BRI3: variants seen among roughly 807,000 people sequenced by gnomAD.
The protein encoded by BRI3 is brain protein I3, also known as membrane protein BRI3.
BRI3 carries 6 observed loss-of-function variants against 12.8 expected under a neutral mutation model. The ratio of observed to expected loss-of-function variants is 0.47; its 90% CI spans 0.26 to 0.93. The LOEUF is 0.93. Ranked by LOEUF, BRI3 falls within the 40% of genes least tolerant of loss-of-function variation. The pLI is 0.15. For synonymous variants in BRI3, 91 were observed against 76.1 expected (o/e 1.20, Z -1.02); for missense variants, 134 against 171.1 (o/e 0.78, Z 1.21).
At chr7:98,294,006 C>A (rs1800077832), downstream of BRI3, 11 of 1,551,618 alleles carry the variant, frequency 7.1e-6, no homozygotes, top group Non-Finnish European at 8.9e-6. Flanking sequence ...CACCGAAGGC[C>A]CTTCCGGGGG....
chr7:98,293,649 G>A (rs1800063153), downstream of BRI3: 1 of 1,541,842 alleles, frequency 6.5e-7, no homozygotes, highest in Admixed American at 1.7e-5. Context: ...AGGGAAACTG[G>A]ATTTTAACAG....
chr7:98,301,749 C>A (rs947399582), upstream of BRI3, among the ~76,000 whole-genome samples: 1 of 152,054 alleles, frequency 6.6e-6, no homozygotes, highest in Non-Finnish European at 1.5e-5. Context: ...TTGGCAGGTG[C>A]GGCCTGTGGA....
upstream of BRI3, among the ~76,000 whole-genome samples, chr7:98,302,533 C>A (rs770434486): frequency 6.6e-6 from 1 of 152,196 alleles, no homozygotes; most frequent in Non-Finnish European, 1.5e-5. Context: ...CAGCAACAGA[C>A]TCTGAGCAGG....
the BRI3 span, among the ~76,000 whole-genome samples, chr7:98,320,897 C>T: frequency 1.3e-3 from 197 of 152,312 alleles, 1 homozygote; most frequent in African/African-American, 4.4e-3. Flanking sequence ...GGCTCTGTCA[C>T]GCAGGCTGGA....
downstream of BRI3, among the ~76,000 whole-genome samples, chr7:98,313,511 T>C (rs1800956362): frequency 1.3e-5 from 2 of 151,562 alleles, no homozygotes; most frequent in Admixed American, 1.3e-4. Flanking sequence ...GCCCTCACTC[T>C]GGGAAGAGAA....
downstream of BRI3, chr7:98,293,694 C>A: frequency 8.4e-7 from 1 of 1,183,828 alleles, no homozygotes; most frequent in Non-Finnish European, 1.3e-6. Flanking sequence ...TGAGACTGGG[C>A]GGCTGACCAC....
intron 2 of BRI3, among the ~76,000 whole-genome samples, chr7:98,289,210 G>A (rs566296299): frequency 2.6e-5 from 4 of 152,146 alleles, no homozygotes; most frequent in African/African-American, 7.2e-5. Flanking sequence ...CACCCACCTC[G>A]GCCTCCCAAA....
chr7:98,304,386 A>C (rs780123833), upstream of BRI3: 1 of 1,612,836 alleles, frequency 6.2e-7, no homozygotes, highest in Admixed American at 1.7e-5. Flanking sequence ...GCTCAAACCC[A>C]AAAAGGACAC....
the BRI3 span, chr7:98,320,058 G>C: frequency 6.2e-7 from 1 of 1,612,496 alleles, no homozygotes; most frequent in Non-Finnish European, 8.5e-7. Flanking sequence ...ATGCACTTAC[G>C]TTCATATATT....
exon 2 of BRI3, chr7:98,307,622 C>T: frequency 6.3e-7 from 1 of 1,592,150 alleles, no homozygotes; most frequent in South Asian, 1.1e-5. Flanking sequence ...AGACAGTTTG[C>T]AGCTTGGCTG....
exon 2 of BRI3, chr7:98,308,374 C>T: frequency 2.3e-6 from 1 of 436,588 alleles, no homozygotes; most frequent in South Asian, 1.6e-5. Flanking sequence ...CAGCTTCTCA[C>T]CCCCAGGCCT....
At chr7:98,290,986 C>A in intron 2 of BRI3, 125 bp from the exon 3 acceptor site, 1 of 1,136,366 alleles carries the variant, frequency 8.8e-7, no homozygotes, top group Non-Finnish European at 1.3e-6. Context: ...TTTTCTGTCA[C>A]TCGCCAGAGG....
At chr7:98,282,279 C>T (rs984677460) in intron 1 of BRI3, 72 bp from the exon 2 acceptor site, 36 of 1,292,138 alleles carry the variant, frequency 2.8e-5, no homozygotes, top group Non-Finnish European at 3.9e-5. Context: ...GTTGAGGGGA[C>T]AGGATGAGTA....
rs373949349 is a variant in BRI3, at chr7:98,285,009, G to A, written c.245+2556G>A. Among the ~76,000 whole-genome samples the A allele has an allele frequency of 9.4e-4, 143 of 152,314 alleles. 3 individuals are homozygous for A. The South Asian group carries it at 0.026, about 28-fold the overall frequency. ...TGCGCTGGGAGGCTCTCCTGGGCTG[G>A]AGCAGAGCCTGCGTCCTGCAAGCGG... is the stretch of plus-strand genomic sequence containing the variant. On this transcript the variant is annotated intron_variant, in intron 2 of 2. Coordinates refer to ENST00000297290, the MANE Select transcript of BRI3 (RefSeq NM_015379.5).
At chr7:98,308,636 T>G in exon 2 of BRI3, 1 of 226,410 alleles carries the variant, frequency 4.4e-6, no homozygotes, top group South Asian at 6.9e-5. Flanking sequence ...CAGGCTGATA[T>G]TTCCACTCCA....
the BRI3 span, among the ~76,000 whole-genome samples, chr7:98,317,954 C>T: frequency 1.3e-5 from 2 of 151,730 alleles, no homozygotes; most frequent in Admixed American, 6.6e-5. Flanking sequence ...GGGGCCCTCA[C>T]TCATTTCACA....
upstream of BRI3, chr7:98,304,213 G>A: frequency 6.2e-7 from 1 of 1,605,250 alleles, no homozygotes; most frequent in Non-Finnish European, 8.5e-7. Flanking sequence ...GCGGTCTCGG[G>A]CTTGGACGCT....
chr7:98,320,922 C>T, the BRI3 span, among the ~76,000 whole-genome samples: 9 of 152,166 alleles, frequency 5.9e-5, no homozygotes, highest in African/African-American at 2.2e-4. Flanking sequence ...AGTGGCACGA[C>T]CTTGGCTCAC....
chr7:98,320,329 A>T, the BRI3 span: 1 of 1,509,472 alleles, frequency 6.6e-7, no homozygotes, highest in Non-Finnish European at 9.0e-7. Flanking sequence ...GTTAGCGGGA[A>T]GCCATTGCGT....
Sources: gnomAD v4.1 joint callset for allele counts (sites outside exome capture counted in the v4.1 genomes callset) on GRCh38, gnomAD v4.1.1 for gene constraint, MANE v1.5 for transcripts, NCBI Gene and HGNC (gene_info 2026-07-23, HGNC 2026-07-21) for gene names.